SGCZ: variants seen among roughly 807,000 people sequenced by gnomAD.
SGCZ encodes zeta-sarcoglycan.
SGCZ carries 40 observed loss-of-function variants against 41.3 expected under a neutral mutation model. That is an observed-to-expected ratio of 0.97 (90% confidence interval 0.75 to 1.26). SGCZ has a LOEUF of 1.26. Among genes scored for constraint, SGCZ ranks in the 50% most tolerant of loss-of-function variants. The pLI is 0.00. For missense variants in SGCZ, 552 were observed against 369.8 expected (o/e 1.49, Z -4.04); for synonymous variants, 206 against 137.5 (o/e 1.50, Z -3.49).
chr8:15,014,145 A>C (rs567735680), intron 1 of SGCZ, among the ~76,000 whole-genome samples: 2 of 152,330 alleles, frequency 1.3e-5, no homozygotes, highest in East Asian at 3.9e-4. Flanking sequence ...GAAACCCTTC[A>C]AGAATGCACT....
chr8:14,514,813 GTATA>G (rs753396790), intron 2 of SGCZ, among the ~76,000 whole-genome samples: 578 of 24,940 alleles, frequency 0.023, 1 homozygote, highest in South Asian at 0.042. Context: ...GTGTGTGTGT[GTATA>G]TATACACGCA....
intron 2 of SGCZ, among the ~76,000 whole-genome samples, chr8:14,440,623 T>C (rs1214613403): frequency 6.6e-6 from 1 of 152,016 alleles, no homozygotes; most frequent in Non-Finnish European, 1.5e-5. Flanking sequence ...TGTCCAAAAA[T>C]ATAAAGGCAA....
At chr8:14,504,061 A>C (rs1802233195) in intron 2 of SGCZ, among the ~76,000 whole-genome samples, 1 of 152,120 alleles carries the variant, frequency 6.6e-6, no homozygotes, top group African/African-American at 2.4e-5. Flanking sequence ...TTATTTTTCC[A>C]AAGAGTTCTT....
intron 2 of SGCZ, among the ~76,000 whole-genome samples, chr8:14,362,912 T>C (rs1210164272): frequency 1.3e-5 from 2 of 152,238 alleles, no homozygotes; most frequent in African/African-American, 4.8e-5. Context: ...ATAAATCCAA[T>C]AAAATATTTG....
chr8:14,148,443 C>G (rs1803594293), intron 5 of SGCZ, among the ~76,000 whole-genome samples: 1 of 151,758 alleles, frequency 6.6e-6, no homozygotes, highest in Non-Finnish European at 1.5e-5. Flanking sequence ...AAGAAATGGA[C>G]AAATTTCTAG....
chr8:14,803,217 G>A (rs535791362), intron 1 of SGCZ, among the ~76,000 whole-genome samples: 59 of 152,126 alleles, frequency 3.9e-4, no homozygotes, highest in African/African-American at 1.2e-3. Context: ...AAACTGTCCC[G>A]GGAGGAGCCA....
chr8:14,592,272 C>A (rs982130841), intron 1 of SGCZ, among the ~76,000 whole-genome samples: 2 of 152,028 alleles, frequency 1.3e-5, no homozygotes, highest in African/African-American at 2.4e-5. Flanking sequence ...CCAAATAAAT[C>A]TTCAACAATG....
chr8:14,927,985 C>G (rs1053114178), intron 1 of SGCZ, among the ~76,000 whole-genome samples: 1 of 152,080 alleles, frequency 6.6e-6, no homozygotes, highest in African/African-American at 2.4e-5. Flanking sequence ...AAGTCATCTC[C>G]TTTTTTCTGG....
At chr8:15,101,795 T>A (rs1314231999) in intron 1 of SGCZ, among the ~76,000 whole-genome samples, 2 of 152,122 alleles carry the variant, frequency 1.3e-5, no homozygotes, top group Non-Finnish European at 2.9e-5. Flanking sequence ...CTGGGCATGG[T>A]CGTGCACACC....
chr8:14,286,939 TATAA>T (rs1391488991), intron 3 of SGCZ, among the ~76,000 whole-genome samples: 2 of 152,042 alleles, frequency 1.3e-5, no homozygotes, highest in Non-Finnish European at 1.5e-5. Context: ...GTGATTATAC[TATAA>T]ATAAGCATTT....
chr8:14,361,814 A>G (rs1803524360), intron 2 of SGCZ, among the ~76,000 whole-genome samples: 1 of 151,848 alleles, frequency 6.6e-6, no homozygotes, highest in Non-Finnish European at 1.5e-5. Context: ...CCATCTTTTT[A>G]GTTTTATCTA....
At chr8:14,685,686 C>A (rs1808589103) in intron 1 of SGCZ, among the ~76,000 whole-genome samples, 1 of 151,828 alleles carries the variant, frequency 6.6e-6, no homozygotes, top group South Asian at 2.1e-4. Flanking sequence ...ACATTAACAC[C>A]AATATTGGTA....
chr8:15,146,253 A>C (rs1355183368), intron 1 of SGCZ, among the ~76,000 whole-genome samples: 1 of 152,216 alleles, frequency 6.6e-6, no homozygotes, highest in Non-Finnish European at 1.5e-5. Flanking sequence ...CAAAAATATA[A>C]TGATGTAAAT....
chr8:14,637,351 A>C (rs1510438), intron 1 of SGCZ, among the ~76,000 whole-genome samples: 16,650 of 151,234 alleles, frequency 0.11, 1,088 homozygotes, highest in African/African-American at 0.19. Flanking sequence ...GACTCGGAGT[A>C]CACGTGCAGG....
At chr8:14,428,640 T>C (rs920167848) in intron 2 of SGCZ, among the ~76,000 whole-genome samples, 12 of 152,190 alleles carry the variant, frequency 7.9e-5, no homozygotes, top group African/African-American at 2.9e-4. Context: ...AGAAATACTG[T>C]GTTCAGCTTT....
intron 1 of SGCZ, among the ~76,000 whole-genome samples, chr8:14,562,132 T>C (rs1377422614): frequency 2.0e-5 from 3 of 152,092 alleles, no homozygotes; most frequent in Non-Finnish European, 4.4e-5. Context: ...TTTACCTTAG[T>C]CCCTTGCCTC....
chr8:15,003,277 C>T lies in SGCZ; in HGVS notation c.39+234308G>A, dbSNP rs1423695081. Among the ~76,000 whole-genome samples the T allele has an allele frequency of 1.3e-5, 2 of 152,024 alleles. 1 individual carries two copies. Among genetic ancestry groups the T allele is most frequent in the Non-Finnish European group, 2.9e-5 (2 of 68,008 alleles). On this transcript the variant is annotated intron_variant, in intron 1 of 7. Transcript: ENST00000382080. ...CTGAAAGACGAAGCAGAGAGGGTTGCTGAAATAGAATGAGAACTGAGTGGA... is the reference window on the plus strand; with the variant it reads ...CTGAAAGACGAAGCAGAGAGGGTTGTTGAAATAGAATGAGAACTGAGTGGA...
intron 5 of SGCZ, among the ~76,000 whole-genome samples, chr8:14,141,147 G>A (rs189559550): frequency 1.2e-4 from 18 of 152,190 alleles, no homozygotes; most frequent in African/African-American, 3.4e-4. Context: ...GGATTCCTTC[G>A]TTACACCTTG....
chr8:14,652,353 G>GGA (rs1554473420), intron 1 of SGCZ, among the ~76,000 whole-genome samples: 1 of 97,006 alleles, frequency 1.0e-5, no homozygotes, highest in Non-Finnish European at 2.3e-5. Context: ...AAAAGGGGGG[G>GGA]GTGTGGGGGG....
Sources: allele counts gnomAD v4.1 joint callset (sites outside exome capture counted in the v4.1 genomes callset), GRCh38; gene constraint gnomAD v4.1.1; transcripts MANE v1.5; gene names NCBI Gene and HGNC (gene_info 2026-07-23, HGNC 2026-07-21).